The following GABRG2 variants were observed in gnomAD, a reference collection of about 807,000 sequenced individuals.
GABRG2 encodes the protein gamma-aminobutyric acid type A receptor subunit gamma2, also known as gamma-aminobutyric acid receptor subunit gamma-2.
A neutral mutation model predicts 56.4 loss-of-function variants in GABRG2; 16 were observed. The observed-to-expected ratio is 0.28, with a 90% CI of 0.19 to 0.43. GABRG2 has a LOEUF of 0.43. GABRG2 is among the 20% of genes least tolerant of loss of function. The pLI, the probability that GABRG2 is intolerant of heterozygous loss-of-function variation, is 1.00. For missense variants in GABRG2, 327 were observed against 582.7 expected, an observed-to-expected ratio of 0.56 and a Z score of 4.52; for synonymous variants, 208 against 205.5, an observed-to-expected ratio of 1.01 and a Z score of -0.10.
intron 6 of GABRG2, 54 bp downstream of exon 6, chr5:162,104,080 G>A (rs1761632253): frequency 1.3e-6 from 2 of 1,586,504 alleles, no homozygotes; most frequent in South Asian, 2.2e-5. Flanking sequence ...TGAAATTTTG[G>A]TATATATGAA....
At chr5:162,107,922 A>G (rs1581373776) in intron 6 of GABRG2, among the ~76,000 whole-genome samples, 2 of 152,262 alleles carry the variant, frequency 1.3e-5, no homozygotes, top group African/African-American at 2.4e-5. Flanking sequence ...ATGTGTCAGT[A>G]GCTTATTAAG....
chr5:162,119,047 C>A (rs1407930931), intron 6 of GABRG2, among the ~76,000 whole-genome samples: 4 of 152,016 alleles, frequency 2.6e-5, no homozygotes, highest in African/African-American at 9.7e-5. Context: ...CAGTTAAATG[C>A]AGTCCTTTAA....
chr5:162,074,216 T>C (rs558905728), intron 1 of GABRG2, among the ~76,000 whole-genome samples: 1 of 152,108 alleles, frequency 6.6e-6, no homozygotes, highest in African/African-American at 2.4e-5. Flanking sequence ...TACAGTATTA[T>C]GATATAAGAG....
At chr5:162,069,964 C>T (rs1258999296) in intron 1 of GABRG2, among the ~76,000 whole-genome samples, 2 of 152,020 alleles carry the variant, frequency 1.3e-5, no homozygotes, top group Non-Finnish European at 2.9e-5. Flanking sequence ...GACTCATCTC[C>T]ATCTTAGTAA....
intron 6 of GABRG2, among the ~76,000 whole-genome samples, chr5:162,124,958 A>ATGTGTGTGTGTGTGTG (rs55993809): frequency 4.9e-5 from 7 of 143,982 alleles, no homozygotes; most frequent in African/African-American, 1.8e-4. Context: ...GTATAAAGAG[A>ATGTGTGTGTGTGTGTG]TGTGTGTGTG....
intron 2 of GABRG2, chr5:162,094,596 C>T (rs563598830): frequency 3.4e-4 from 52 of 154,402 alleles, no homozygotes; most frequent in African/African-American, 1.1e-3. Context: ...CTGGCACACT[C>T]GCTTTTGTAT....
At position 162,151,392 on chromosome 5, in the gene GABRG2, A is replaced by C. The variant is rs1414117463; in HGVS notation, c.1129-338A>C. On this transcript the variant is annotated intron_variant, in intron 8 of 9. Coordinates refer to ENST00000639213, the MANE Select transcript of GABRG2 (RefSeq NM_198904.4). ...AGACTCACCTATTAAGTTATCCGTGATGATAATTAGAAAATAGAATCATAG... is the reference window on the plus strand; with the variant it reads ...AGACTCACCTATTAAGTTATCCGTGCTGATAATTAGAAAATAGAATCATAG... The C allele has an allele frequency of 8.6e-6, 2 of 232,320 alleles. 1 individual carries two copies. The highest frequency in any genetic ancestry group is 1.7e-5 in the Non-Finnish European group (2 of 119,382). 14.4% of individuals were successfully genotyped at this position (232,320 alleles called of 1,614,324 possible).
chr5:162,122,519 G>T (rs189632939), intron 6 of GABRG2, among the ~76,000 whole-genome samples: 44 of 151,792 alleles, frequency 2.9e-4, no homozygotes, highest in African/African-American at 1.0e-3. Context: ...ACATATTATT[G>T]AAGGGTTCCA....
At chr5:162,130,279 A>G (rs1763645027) in intron 6 of GABRG2, among the ~76,000 whole-genome samples, 2 of 151,876 alleles carry the variant, frequency 1.3e-5, no homozygotes, top group African/African-American at 4.8e-5. Flanking sequence ...TTAAACCTAT[A>G]ATTTTGCAGA....
upstream of GABRG2, chr5:162,067,504 A>G (rs528405655): frequency 5.0e-4 from 212 of 424,554 alleles, 1 homozygote; most frequent in African/African-American, 3.9e-3. Context: ...CGTGATAGTT[A>G]ATCACGCAGA....
Position 162,103,882 on chromosome 5 carries a change from A to T in GABRG2, c.632-7A>T, listed in dbSNP as rs745370672. The T allele has an allele frequency of 1.2e-6, 2 of 1,613,736 alleles. No homozygotes were observed. The highest frequency in any genetic ancestry group is 3.3e-5 in the Admixed American group (2 of 60,012). On this transcript the variant is annotated splice_polypyrimidine_tract_variant and splice_region_variant and intron_variant, in intron 5 of 9. Transcript: ENST00000639213. ...TTTTTAATGTGAGCTTTCCTATCTC[A>T]CGGCAGATGGCTATCCACGTGAAGA...
rs2113634291 is a variant in GABRG2, at chr5:162,149,467, A to G, written c.1128+154A>G. The G allele has an allele frequency of 1.1e-5, 8 of 749,226 alleles. 1 individual carries two copies. The South Asian group carries it at 1.2e-4, about 11-fold the overall frequency. 46.4% of individuals were successfully genotyped at this position (749,226 alleles called of 1,614,324 possible). ...AGCCAGGCCATAACGATTCATTTAC[A>G]GTCATTAGTTACTTGAGAGAGACTC... On this transcript the variant is annotated intron_variant, in intron 8 of 9. Coordinates refer to ENST00000639213, the MANE Select transcript of GABRG2 (RefSeq NM_198904.4).
At chr5:162,133,440 G>T (rs1341729699) in intron 6 of GABRG2, among the ~76,000 whole-genome samples, 1 of 152,034 alleles carries the variant, frequency 6.6e-6, no homozygotes, top group South Asian at 2.1e-4. Flanking sequence ...ACTGTGAATT[G>T]CCCTGCGTTT....
In GABRG2 at chr5:162,153,073, C is replaced by G; in HGVS notation, c.1153-20C>G. 1 of 1,613,856 alleles carries G rather than the reference C, an allele frequency of 6.2e-7. No homozygotes were observed. Among genetic ancestry groups the G allele is most frequent in the Non-Finnish European group, 8.5e-7 (1 of 1,179,826 alleles). On this transcript the variant is annotated intron_variant, in intron 9 of 9. Transcript: ENST00000639213. Reference sequence around the variant, plus strand: ...CGAGAACAACTAACTGATCCCTCTCCTTCCCTACCCTCGTCCCAGGCCCCT... The same window carrying G: ...CGAGAACAACTAACTGATCCCTCTCGTTCCCTACCCTCGTCCCAGGCCCCT...
intron 6 of GABRG2, among the ~76,000 whole-genome samples, chr5:162,121,771 G>T (rs1209667374): frequency 2.6e-5 from 4 of 152,030 alleles, no homozygotes; most frequent in Admixed American, 2.6e-4. Context: ...AGATCATGAA[G>T]TGGAAGCATT....
At chr5:162,090,484 C>T (rs545077244) in intron 1 of GABRG2, among the ~76,000 whole-genome samples, 1 of 152,108 alleles carries the variant, frequency 6.6e-6, no homozygotes, top group African/African-American at 2.4e-5. Context: ...CTGGGTGGGT[C>T]CCAGAGCTCT....
chr5:162,105,925 A>G (rs1761793721), intron 6 of GABRG2, among the ~76,000 whole-genome samples: 1 of 152,062 alleles, frequency 6.6e-6, no homozygotes, highest in African/African-American at 2.4e-5. Context: ...TCATATTTCT[A>G]TAATTATTCC....
intron 8 of GABRG2, 71 bp from the exon 9 acceptor site, chr5:162,151,659 T>C (rs535591029): frequency 2.3e-5 from 30 of 1,303,542 alleles, no homozygotes; most frequent in African/African-American, 1.3e-4. Context: ...GTCTCTCTCT[T>C]TTTTTTTCAT....
rs1011043302 is a variant in GABRG2, at chr5:162,067,897, G to A, written c.-103G>A. The A allele has an allele frequency of 5.0e-6, 4 of 802,420 alleles. No homozygotes were observed. The highest frequency in any genetic ancestry group is 3.4e-5 in the African/African-American group (2 of 59,074). The allele number at this position is 802,420 out of a possible 1,614,324, so 49.7% of individuals were successfully genotyped here. The stretch of plus-strand genomic sequence containing the variant: ...AGTGAAGGACCTACTAGAGGCAGGT[G>A]GGGGGAGCCACCATCAGATCATAAG... On this transcript the variant is annotated 5_prime_UTR_variant, in exon 1 of 10. Coordinates refer to ENST00000639213, the MANE Select transcript of GABRG2 (RefSeq NM_198904.4).
Sources: allele counts gnomAD v4.1 joint callset (sites outside exome capture counted in the v4.1 genomes callset), GRCh38; gene constraint gnomAD v4.1.1; transcripts MANE v1.5; gene names NCBI Gene and HGNC (gene_info 2026-07-23, HGNC 2026-07-21).